The following FMO2 variants were observed in gnomAD, a reference collection of about 807,000 sequenced individuals.
The protein encoded by FMO2 is flavin containing dimethylaniline monoxygenase 2.
A neutral mutation model predicts 41.6 loss-of-function variants in FMO2; 33 were observed. The ratio of observed to expected loss-of-function variants is 0.79; its 90% CI spans 0.60 to 1.06. The LOEUF is 1.06. FMO2 is among the 50% of genes least tolerant of loss of function. FMO2 has a pLI of 0.00. For synonymous variants in FMO2, 214 were observed against 219.6 expected, an observed-to-expected ratio of 0.97 and a Z score of 0.23; for missense variants, 619 against 632.9, an observed-to-expected ratio of 0.98 and a Z score of 0.23.
At position 171,211,607 on chromosome 1, in the gene FMO2, G is replaced by T. The variant is rs1658986017; in HGVS notation, c.*2462G>T. On this transcript the variant is annotated 3_prime_UTR_variant, in exon 9 of 9. Transcript: ENST00000209929. ...CTCTCAAAATCTTTCCAAATGTTCT[G>T]GTATCTTTGAAAAATGTAAATAGTT... Among the ~76,000 whole-genome samples the T allele has an allele frequency of 6.6e-6, 1 of 152,018 alleles. No individual in the cohort carries two copies. The highest frequency in any genetic ancestry group is 1.5e-5 in the Non-Finnish European group (1 of 67,996).
At chr1:171,199,187 G>A (rs1252648814) in intron 4 of FMO2, 159 bp from the exon 5 acceptor site, 2 of 603,674 alleles carry the variant, frequency 3.3e-6, no homozygotes. Context: ...GCCCCACCTG[G>A]TCTGGTACCT....
At chr1:171,201,913 T>A (rs765628300) in intron 5 of FMO2, among the ~76,000 whole-genome samples, 2 of 152,134 alleles carry the variant, frequency 1.3e-5, no homozygotes, top group Non-Finnish European at 2.9e-5. Flanking sequence ...ACCTCCCCCA[T>A]GACTGAATTA....
At chr1:171,191,933 A>G (rs12567956) in intron 2 of FMO2, among the ~76,000 whole-genome samples, 76,276 of 115,766 alleles carry the variant, frequency 0.66, 20,381 homozygotes, top group African/African-American at 0.74. Context: ...AGCTACTTGG[A>G]AGGTTGAGGT....
At chr1:171,200,758 A>T (rs903208056) in intron 5 of FMO2, among the ~76,000 whole-genome samples, 5 of 152,188 alleles carry the variant, frequency 3.3e-5, no homozygotes, top group Non-Finnish European at 5.9e-5. Context: ...GTCACTTATC[A>T]CCTCAGTGTG....
chr1:171,207,740 G>A lies in FMO2; in HGVS notation c.1206G>A (p.Glu402=), dbSNP rs6671692. Residue 402 remains glutamate, a synonymous_variant, in exon 8 of 9, where the codon GAG becomes GAA. Transcript: ENST00000209929. ...VFKGLCSLPS[E]RTMMMDIIKR... ...TAGGCTTGTGTAGCCTGCCCTCAGA[G>A]AGAACTATGATGATGGACATTATCA... 12,319 of 1,610,864 alleles carry A rather than the reference G, an allele frequency of 7.6e-3. 649 individuals are homozygous for A. In the African/African-American group the frequency reaches 0.12, roughly 16 times the overall value.
rs201571145 is a variant in FMO2 at position 171,208,817 on chromosome 1, C to A, written c.1280C>A (p.Thr427Lys). Reference sequence around the variant, plus strand: ...AGGTTTGGAGAAAGCCAGAGCCAGACGTTGCAGACCAATTATGTTGACTAC... The same window carrying A: ...AGGTTTGGAGAAAGCCAGAGCCAGAAGTTGCAGACCAATTATGTTGACTAC... ...IDLFGESQSQ[T>K]LQTNYVDYLD... The change falls in exon 9 of 9, where the codon ACG becomes AAG. Residue 427 changes from threonine (T) to lysine (K), a missense_variant. Transcript: ENST00000209929. 9 of 1,613,804 alleles carry A rather than the reference C, an allele frequency of 5.6e-6. No homozygotes were observed. Among genetic ancestry groups the A allele is most frequent in the Non-Finnish European group, 7.6e-6 (9 of 1,179,866 alleles).
intron 2 of FMO2, chr1:171,186,467 G>C (rs1248853531): frequency 6.6e-6 from 1 of 152,492 alleles, no homozygotes; most frequent in Non-Finnish European, 1.5e-5. Flanking sequence ...TTGACTCCCA[G>C]TTCCACAATG....
intron 2 of FMO2, among the ~76,000 whole-genome samples, chr1:171,189,929 G>T (rs966179508): frequency 3.3e-5 from 5 of 152,254 alleles, no homozygotes; most frequent in African/African-American, 1.2e-4. Flanking sequence ...GCAGATAGAT[G>T]TAAGGTCCAT....
rs952861097 is a variant in FMO2, at chr1:171,205,752, T to C, written c.1183+118T>C. 2.3e-5 allele frequency: 14 copies of C among 615,316 alleles called. No homozygotes were observed. In the Admixed American group the frequency reaches 4.0e-4, roughly 18 times the overall value. The allele number at this position is 615,316 out of a possible 1,614,324, so 38.1% of individuals were successfully genotyped here. ...CAAGAAAAAGTTTGACAACCTTGGC[T>C]GCTCTCACAAGACTAACATTCTAAA... On this transcript the variant is annotated intron_variant, in intron 7 of 8. Coordinates refer to ENST00000209929, the MANE Select transcript of FMO2 (RefSeq NM_001460.5).
In FMO2 at chr1:171,211,557, T is replaced by G. The variant is rs1470351979; in HGVS notation, c.*2412T>G. 6.6e-6 allele frequency among the ~76,000 whole-genome samples: 1 copy of G among 152,214 alleles called. No individual in the cohort carries two copies. Among genetic ancestry groups the G allele is most frequent in the Non-Finnish European group, 1.5e-5 (1 of 68,038 alleles). The stretch of plus-strand genomic sequence containing the variant: ...CTCCACTAGGAAAATATTATTAAAT[T>G]TATATCCCTAAAATTTTTAGAAATC... On this transcript the variant is annotated 3_prime_UTR_variant, in exon 9 of 9. Transcript: ENST00000209929.
rs2234889 is a variant in FMO2, at chr1:171,209,118, C to CTT, written c.1587_1588dup (p.Cys530PhefsTer24). The CTT allele has an allele frequency of 1.6e-5, 11 of 679,018 alleles. No individual in the cohort carries two copies. The East Asian group carries it at 1.7e-4, about 10-fold the overall frequency. 42.1% of individuals were successfully genotyped at this position (679,018 alleles called of 1,614,324 possible). On this transcript the variant is annotated frameshift_variant, in exon 9 of 9. Coordinates refer to ENST00000209929, the MANE Select transcript of FMO2 (RefSeq NM_001460.5). LOFTEE classifies it high-confidence loss of function. Reference sequence around the variant, plus strand: ...TGGGCCTTCTTGCTGTTGTTGTGGCCTTTTTTTGCCAACTTCAATGGTCCT... The same window carrying CTT: ...TGGGCCTTCTTGCTGTTGTTGTGGCCTTTTTTTTTGCCAACTTCAATGGTCCT...
At chr1:171,194,976 G>A (rs886213838) in intron 3 of FMO2, among the ~76,000 whole-genome samples, 2 of 152,308 alleles carry the variant, frequency 1.3e-5, no homozygotes, top group African/African-American at 4.8e-5. Flanking sequence ...GTGAATAACA[G>A]ATTATGTATA....
rs746228627 is a variant in FMO2 at position 171,196,770 on chromosome 1, GCCA to G, written c.448_450del (p.His150del). 3 of 1,613,570 alleles carry G rather than the reference GCCA, an allele frequency of 1.9e-6. No homozygotes were observed. The highest frequency in any genetic ancestry group is 2.2e-5 in the South Asian group (2 of 91,024). On this transcript the variant is annotated inframe_deletion, in exon 4 of 9. Coordinates refer to ENST00000209929, the MANE Select transcript of FMO2 (RefSeq NM_001460.5). ...TTTGACGCAGTTATGGTTTGCAGTG[GCCA>G]CCACATTCTACCTCATATCCCACTG...
At chr1:171,204,246 C>G (rs1658661030) in intron 6 of FMO2, among the ~76,000 whole-genome samples, 182 bp downstream of exon 6, 1 of 152,058 alleles carries the variant, frequency 6.6e-6, no homozygotes, top group Non-Finnish European at 1.5e-5. Flanking sequence ...TTAAAAAATA[C>G]TTAAGAAGAT....
intron 3 of FMO2, among the ~76,000 whole-genome samples, chr1:171,195,110 T>C (rs1264423090): frequency 2.0e-5 from 3 of 152,224 alleles, no homozygotes; most frequent in Non-Finnish European, 2.9e-5. Context: ...AAGGAAGTCA[T>C]TTCTCTTGGT....
intron 5 of FMO2, 145 bp downstream of exon 5, chr1:171,199,633 T>A: frequency 1.5e-6 from 1 of 666,400 alleles, no homozygotes; most frequent in Non-Finnish European, 2.4e-6. Context: ...AATCTGGAAG[T>A]CAAGAAACCA....
At chr1:171,202,576 A>G (rs1658578218) in intron 5 of FMO2, among the ~76,000 whole-genome samples, 1 of 151,972 alleles carries the variant, frequency 6.6e-6, no homozygotes, top group African/African-American at 2.4e-5. Context: ...CTTTATATAT[A>G]CCACCTCATT....
At chr1:171,201,908 C>G (rs1286033923) in intron 5 of FMO2, among the ~76,000 whole-genome samples, 1 of 152,104 alleles carries the variant, frequency 6.6e-6, no homozygotes, top group Non-Finnish European at 1.5e-5. Flanking sequence ...CAGAAACCTC[C>G]CCCATGACTG....
rs1658456541 is a variant in FMO2, at chr1:171,199,656, G to A, written c.627+168G>A. On this transcript the variant is annotated intron_variant, in intron 5 of 8. Transcript: ENST00000209929. ...AGTCAAGAAACCACTTTACCTCCTA[G>A]CTCTGTCAATAACCAGCCATGAATC... is the stretch of plus-strand genomic sequence containing the variant. 3.0e-5 allele frequency: 16 copies of A among 536,910 alleles called. No homozygotes were observed. In the South Asian group the frequency reaches 4.9e-4, roughly 16 times the overall value. 33.3% of individuals were successfully genotyped at this position (536,910 alleles called of 1,614,324 possible). A position where few individuals can be genotyped will look rare whatever the true frequency, so the allele number is the denominator to read the frequency against.
Sources: gnomAD v4.1 joint callset for allele counts (sites outside exome capture counted in the v4.1 genomes callset) on GRCh38, gnomAD v4.1.1 for gene constraint, MANE v1.5 for transcripts, NCBI Gene and HGNC (gene_info 2026-07-23, HGNC 2026-07-21) for gene names.